Variants in PPFIA2 observed in about 807,000 individuals in gnomAD.
PPFIA2 encodes the protein PPFI scaffold protein A2.
PPFIA2 carries 46 observed loss-of-function variants against 175.5 expected under a neutral mutation model. The ratio of observed to expected loss-of-function variants is 0.26; its 90% CI spans 0.21 to 0.34. PPFIA2 has a LOEUF of 0.34. Ranked by LOEUF, PPFIA2 falls within the 10% of genes least tolerant of loss-of-function variation. PPFIA2 has a pLI of 1.00. For missense variants in PPFIA2, 1,179 were observed against 1,506.1 expected (o/e 0.78, Z 3.60); for synonymous variants, 568 against 511.4 (o/e 1.11, Z -1.49).
At chr12:81,276,440 ATCTTTTTC>A (rs2040554978) in intron 28 of PPFIA2, among the ~76,000 whole-genome samples, 1 of 152,158 alleles carries the variant, frequency 6.6e-6, no homozygotes, top group South Asian at 2.1e-4. Context: ...CTTTACCTAT[ATCTTTTTC>A]CAATCATGTA....
At chr12:81,523,835 GC>G (rs1227399348) in intron 4 of PPFIA2, among the ~76,000 whole-genome samples, 1 of 152,132 alleles carries the variant, frequency 6.6e-6, no homozygotes, top group East Asian at 1.9e-4. Context: ...TCACAGTCTT[GC>G]TTTTTTTACA....
intron 22 of PPFIA2, among the ~76,000 whole-genome samples, chr12:81,313,795 A>C (rs940714009): frequency 6.6e-6 from 1 of 152,094 alleles, no homozygotes; most frequent in African/African-American, 2.4e-5. Context: ...CCTACTAGCT[A>C]TCTAGGAATC....
At chr12:81,378,038 A>G (rs1024036883) in intron 9 of PPFIA2, 1 of 152,310 alleles carries the variant, frequency 6.6e-6, no homozygotes, top group Non-Finnish European at 1.5e-5. Flanking sequence ...GGAGGAAGTC[A>G]GTCAGAGAAT....
chr12:81,676,962 A>AT (rs1422877880), intron 3 of PPFIA2, 118 bp from the exon 4 acceptor site: 7 of 638,566 alleles, frequency 1.1e-5, no homozygotes, highest in Admixed American at 4.2e-5. Flanking sequence ...CTATTTTATT[A>AT]TTTTTTTGCA....
At position 81,370,874 on chromosome 12, in the gene PPFIA2, A is replaced by T. The variant is rs116098932; in HGVS notation, c.1267-1680T>A. On this transcript the variant is annotated intron_variant, in intron 11 of 32. Coordinates refer to ENST00000549396, the MANE Select transcript of PPFIA2 (RefSeq NM_003625.5). ...GACTACAAATTTAACTCCACAGCAT[A>T]TTCTGTCACATTTTATAAGCTCATT... Among the ~76,000 whole-genome samples the T allele has an allele frequency of 3.7e-3, 563 of 152,052 alleles. 3 individuals carry two copies. Among genetic ancestry groups the T allele is most frequent in the African/African-American group, 0.013 (533 of 41,538 alleles).
chr12:81,693,364 C>T (rs574663163), intron 3 of PPFIA2, among the ~76,000 whole-genome samples: 2 of 151,950 alleles, frequency 1.3e-5, no homozygotes, highest in Non-Finnish European at 2.9e-5. Flanking sequence ...GAGATCTGCT[C>T]ATCAAAGAGT....
chr12:81,731,335 G>A (rs2080878649), intron 3 of PPFIA2, among the ~76,000 whole-genome samples: 1 of 151,648 alleles, frequency 6.6e-6, no homozygotes, highest in South Asian at 2.1e-4. Flanking sequence ...ATAACAGTGT[G>A]AAATACCTGA....
chr12:81,694,778 G>A (rs1410176877), intron 3 of PPFIA2, among the ~76,000 whole-genome samples: 1 of 152,184 alleles, frequency 6.6e-6, no homozygotes, highest in East Asian at 1.9e-4. Context: ...GCCTGGAGAA[G>A]CCACAGGCAT....
At chr12:81,657,696 G>T (rs1027180062) in intron 4 of PPFIA2, among the ~76,000 whole-genome samples, 1 of 152,118 alleles carries the variant, frequency 6.6e-6, no homozygotes, top group African/African-American at 2.4e-5. Flanking sequence ...TTAAACAGTT[G>T]CAGTAGCTAG....
At chr12:81,312,746 C>T (rs1429095294) in intron 22 of PPFIA2, among the ~76,000 whole-genome samples, 2 of 152,136 alleles carry the variant, frequency 1.3e-5, no homozygotes, top group East Asian at 1.9e-4. Flanking sequence ...TCTTCAATTT[C>T]CTCAACACAA....
At chr12:81,538,152 G>A (rs2065678993) in intron 4 of PPFIA2, among the ~76,000 whole-genome samples, 1 of 151,740 alleles carries the variant, frequency 6.6e-6, no homozygotes, top group African/African-American at 2.4e-5. Flanking sequence ...TTCCTCCCTT[G>A]CAAAATAAGC....
intron 8 of PPFIA2, among the ~76,000 whole-genome samples, chr12:81,388,021 C>T (rs142892943): frequency 6.6e-6 from 1 of 152,098 alleles, no homozygotes; most frequent in Non-Finnish European, 1.5e-5. Context: ...CCCACATATT[C>T]GTAGCAGCAC....
At chr12:81,331,162 A>G (rs2056042491) in intron 21 of PPFIA2, among the ~76,000 whole-genome samples, 1 of 152,252 alleles carries the variant, frequency 6.6e-6, no homozygotes, top group Non-Finnish European at 1.5e-5. Context: ...CATTTATGAC[A>G]GTGTTCCCAT....
At chr12:81,528,784 A>C (rs1298784342) in intron 4 of PPFIA2, among the ~76,000 whole-genome samples, 1 of 152,056 alleles carries the variant, frequency 6.6e-6, no homozygotes, top group African/African-American at 2.4e-5. Context: ...TTTTCTCAGA[A>C]TCATGGGACT....
chr12:81,642,734 T>C (rs540799059), intron 4 of PPFIA2, among the ~76,000 whole-genome samples: 5,686 of 8,926 alleles, frequency 0.64, 2,360 homozygotes, highest in African/African-American at 0.75. Flanking sequence ...CATACATGTA[T>C]ATGTATGTAT....
rs558620082 is a variant in PPFIA2 at position 81,669,040 on chromosome 12, A to G, written c.303+7751T>C. Among the ~76,000 whole-genome samples, 5 of 152,086 alleles carry G rather than the reference A, an allele frequency of 3.3e-5. No homozygotes were observed. The South Asian group carries it at 1.0e-3, about 32-fold the overall frequency. On this transcript the variant is annotated intron_variant, in intron 4 of 32. Transcript: ENST00000549396. ...CCAGACAGAAATTTCTGCTCTCATAAGGTTTCTATTCCAATGATGTTAAAC... is the reference window on the plus strand; with the variant it reads ...CCAGACAGAAATTTCTGCTCTCATAGGGTTTCTATTCCAATGATGTTAAAC...
intron 4 of PPFIA2, among the ~76,000 whole-genome samples, chr12:81,474,401 C>G (rs566801919): frequency 6.6e-6 from 1 of 152,154 alleles, no homozygotes; most frequent in East Asian, 1.9e-4. Context: ...AAGTGATCCA[C>G]TGGCCTCAGC....
In PPFIA2 at chr12:81,729,643, G is replaced by A. The variant is rs542266464; in HGVS notation, c.249+24330C>T. On this transcript the variant is annotated intron_variant, in intron 3 of 32. Transcript: ENST00000549396. ...ACTTTGCAAATATAATTAAGGTTACGGAATTTAAAATAGGAAGAATATCCT... is the reference window on the plus strand; with the variant it reads ...ACTTTGCAAATATAATTAAGGTTACAGAATTTAAAATAGGAAGAATATCCT... Among the ~76,000 whole-genome samples, 4 of 151,544 alleles carry A rather than the reference G, an allele frequency of 2.6e-5. No homozygotes were observed. The East Asian group carries it at 5.9e-4, about 22-fold the overall frequency.
chr12:81,560,884 T>C lies in PPFIA2; in HGVS notation c.304-103018A>G, dbSNP rs566477526. ...AATAAATCTATCTGAAAACAGCTGA[T>C]AATTTTTAATCTATTGAAACTTCTG... On this transcript the variant is annotated intron_variant, in intron 4 of 32. Coordinates refer to ENST00000549396, the MANE Select transcript of PPFIA2 (RefSeq NM_003625.5). 3.3e-5 allele frequency among the ~76,000 whole-genome samples: 5 copies of C among 152,292 alleles called. No individual in the cohort carries two copies. The South Asian group carries it at 1.0e-3, about 32-fold the overall frequency.
Sources: gnomAD v4.1 joint callset for allele counts (sites outside exome capture counted in the v4.1 genomes callset) on GRCh38, gnomAD v4.1.1 for gene constraint, MANE v1.5 for transcripts, NCBI Gene and HGNC (gene_info 2026-07-23, HGNC 2026-07-21) for gene names.